MARCHF1: variants seen among roughly 807,000 people sequenced by gnomAD.
The protein encoded by MARCHF1 is membrane associated ring-CH-type finger 1, also known as E3 ubiquitin-protein ligase MARCHF1.
MARCHF1 carries 40 observed loss-of-function variants against 54.2 expected under a neutral mutation model. The ratio of observed to expected loss-of-function variants is 0.74; its 90% CI spans 0.57 to 0.96. The LOEUF (loss-of-function observed/expected upper bound fraction) is 0.96, where lower values mean the gene tolerates loss of function less well. Among genes scored for constraint, MARCHF1 ranks in the 40% least tolerant of loss-of-function variants. The pLI is 0.00. For synonymous variants in MARCHF1, 236 were observed against 236.3 expected (o/e 1.00, Z 0.01); for missense variants, 586 against 656.5 (o/e 0.89, Z 1.17).
intron 4 of MARCHF1, among the ~76,000 whole-genome samples, chr4:163,830,860 C>A (rs942979637): frequency 6.6e-6 from 1 of 152,172 alleles, no homozygotes; most frequent in African/African-American, 2.4e-5. Context: ...ATGAAGAATT[C>A]TTTCTCTTGC....
intron 1 of MARCHF1, among the ~76,000 whole-genome samples, chr4:164,323,700 A>C (rs1024385124): frequency 6.6e-6 from 1 of 151,452 alleles, no homozygotes; most frequent in Non-Finnish European, 1.5e-5. Context: ...TGAAATGGAA[A>C]AATTATAATT....
Position 163,777,531 on chromosome 4 carries a change from A to G in MARCHF1, c.111+76490T>C, listed in dbSNP as rs191360587. 5.3e-5 allele frequency among the ~76,000 whole-genome samples: 8 copies of G among 152,302 alleles called. No individual in the cohort carries two copies. In the East Asian group the frequency reaches 1.2e-3, roughly 22 times the overall value. On this transcript the variant is annotated intron_variant, in intron 4 of 9. Transcript: ENST00000514618. The stretch of plus-strand genomic sequence containing the variant: ...GATTCTTTACAAAACTAATTTCTTA[A>G]TAACACAGTGATAATCACTTACAAA...
chr4:163,913,720 C>T (rs1203372870), intron 3 of MARCHF1, among the ~76,000 whole-genome samples: 1 of 152,144 alleles, frequency 6.6e-6, no homozygotes, highest in Non-Finnish European at 1.5e-5. Flanking sequence ...ATGAAGCTGG[C>T]AAAACCCCAA....
At chr4:163,534,536 C>T (rs1038071214) in intron 9 of MARCHF1, among the ~76,000 whole-genome samples, 1 of 152,044 alleles carries the variant, frequency 6.6e-6, no homozygotes, top group Non-Finnish European at 1.5e-5. Flanking sequence ...ATTAGTGTAT[C>T]ATGGAGTTAA....
chr4:164,212,459 T>A (rs1731802961), intron 1 of MARCHF1, among the ~76,000 whole-genome samples: 1 of 152,214 alleles, frequency 6.6e-6, no homozygotes, highest in Non-Finnish European at 1.5e-5. Flanking sequence ...TATCTTTCTA[T>A]GGATGTTAAC....
intron 1 of MARCHF1, among the ~76,000 whole-genome samples, chr4:164,186,140 G>T (rs1036097350): frequency 2.6e-5 from 4 of 152,116 alleles, no homozygotes; most frequent in African/African-American, 9.7e-5. Context: ...TGATCTGCCC[G>T]CCTCAGCCTC....
rs1169316591 is a variant in MARCHF1 at position 164,355,864 on chromosome 4, C to T, written c.-323+28006G>A. 2.1e-4 allele frequency among the ~76,000 whole-genome samples: 25 copies of T among 119,584 alleles called. 2 individuals are homozygous for T. The highest frequency in any genetic ancestry group is 3.5e-4 in the Non-Finnish European group (19 of 54,128). 78.5% of individuals were successfully genotyped at this position (119,584 alleles called of 152,430 possible). On this transcript the variant is annotated intron_variant, in intron 1 of 9. Coordinates refer to ENST00000514618, the MANE Select transcript of MARCHF1 (RefSeq NM_001394959.1). ...TGGGAGAAAATTTTCACAACCTACT[C>T]ATCTGACAAAGGGCTAATATCCAGA...
In MARCHF1 at chr4:163,562,648, G is replaced by A. The variant is rs140083172; in HGVS notation, c.1192-16905C>T. On this transcript the variant is annotated intron_variant, in intron 8 of 9. Transcript: ENST00000514618. ...CTCCTCTGAGCCTGAGGCTTCTAGA[G>A]ACATCCTGATGACTTCTTTTCTCAC... Among the ~76,000 whole-genome samples, 52 of 152,192 alleles carry A rather than the reference G, an allele frequency of 3.4e-4. No homozygotes were observed. In the Middle Eastern group the frequency reaches 0.01, roughly 30 times the overall value.
intron 1 of MARCHF1, among the ~76,000 whole-genome samples, chr4:164,368,518 T>C (rs920781518): frequency 2.0e-5 from 3 of 152,044 alleles, no homozygotes; most frequent in African/African-American, 7.2e-5. Flanking sequence ...ATGGCTAATA[T>C]AACCTTATTA....
chr4:163,641,788 C>T (rs1742562857), intron 5 of MARCHF1, among the ~76,000 whole-genome samples: 1 of 152,140 alleles, frequency 6.6e-6, no homozygotes, highest in Admixed American at 6.5e-5. Flanking sequence ...TTTATCTTCT[C>T]CAGACTGGTG....
intron 3 of MARCHF1, among the ~76,000 whole-genome samples, chr4:163,898,445 A>G (rs1219508068): frequency 2.0e-5 from 3 of 152,302 alleles, no homozygotes; most frequent in African/African-American, 4.8e-5. Context: ...CTCAACATCA[A>G]TATACATCGG....
chr4:164,146,552 GAGAAAAACA>G (rs1370146178), intron 1 of MARCHF1, among the ~76,000 whole-genome samples: 1 of 152,130 alleles, frequency 6.6e-6, no homozygotes, highest in African/African-American at 2.4e-5. Flanking sequence ...TGACAAACCT[GAGAAAAACA>G]AGCAATGGGG....
intron 3 of MARCHF1, among the ~76,000 whole-genome samples, chr4:163,915,814 T>C (rs894312555): frequency 3.9e-5 from 6 of 152,152 alleles, no homozygotes; most frequent in African/African-American, 1.2e-4. Context: ...GACCCTTAAA[T>C]AGTCAGGTAG....
At position 163,545,625 on chromosome 4, in the gene MARCHF1, G is replaced by A. The variant is rs754785558; in HGVS notation, c.1310C>T (p.Ala437Val). The change falls in exon 9 of 10, where the codon GCG becomes GTG. Residue 437 changes from alanine to valine, a missense_variant. This residue lies in a region of MARCHF1 where 93 missense variants were observed against 168.2 expected (regional missense o/e 0.55). Coordinates refer to ENST00000514618, the MANE Select transcript of MARCHF1 (RefSeq NM_001394959.1). The stretch of plus-strand genomic sequence containing the variant: ...GTCATTGCCTTGCTTGATTTCCTCC[G>A]CTGTCCGGTCTATCAATACATACAA... ...WSLYVLIDRT[A>V]EEIKQGNDNG... 68 of 1,613,476 alleles carry A rather than the reference G, an allele frequency of 4.2e-5. No homozygotes were observed. The highest frequency in any genetic ancestry group is 5.4e-5 in the Non-Finnish European group (64 of 1,179,816).
At chr4:163,947,169 A>G (rs2110770146) in intron 3 of MARCHF1, among the ~76,000 whole-genome samples, 1 of 152,340 alleles carries the variant, frequency 6.6e-6, no homozygotes, top group South Asian at 2.1e-4. Context: ...GAATTCACTT[A>G]TAGGAAGGCT....
intron 1 of MARCHF1, among the ~76,000 whole-genome samples, chr4:164,240,994 T>C (rs985242737): frequency 6.6e-6 from 1 of 152,176 alleles, no homozygotes; most frequent in Non-Finnish European, 1.5e-5. Flanking sequence ...GTCACACGAC[T>C]GGGGACTTTT....
intron 1 of MARCHF1, among the ~76,000 whole-genome samples, chr4:164,142,313 G>T (rs1187010737): frequency 6.6e-6 from 1 of 152,144 alleles, no homozygotes; most frequent in African/African-American, 2.4e-5. Context: ...ACTGGGTGGA[G>T]CCCACCACAG....
At chr4:163,763,620 A>G (rs1453860382) in intron 4 of MARCHF1, among the ~76,000 whole-genome samples, 1 of 152,080 alleles carries the variant, frequency 6.6e-6, no homozygotes, top group African/African-American at 2.4e-5. Context: ...AACTTCTAAG[A>G]AAACCCTAAA....
At chr4:163,744,200 A>T (rs938690802) in intron 4 of MARCHF1, among the ~76,000 whole-genome samples, 1 of 152,124 alleles carries the variant, frequency 6.6e-6, no homozygotes, top group African/African-American at 2.4e-5. Flanking sequence ...GTTTCCAAGG[A>T]CCCACTGGTT....
Sources: allele counts gnomAD v4.1 joint callset (sites outside exome capture counted in the v4.1 genomes callset), GRCh38; gene constraint gnomAD v4.1.1; regional missense constraint gnomAD v4.1.1; transcripts MANE v1.5; gene names NCBI Gene and HGNC (gene_info 2026-07-23, HGNC 2026-07-21).